The following FHL2 variants were observed in gnomAD, a reference collection of about 807,000 sequenced individuals.
FHL2 encodes the protein four and a half LIM domains 2.
Under a neutral mutation model 32.7 loss-of-function variants are expected in FHL2, and 20 were observed. The observed-to-expected ratio is 0.61, with a 90% CI of 0.43 to 0.89. FHL2 has a LOEUF of 0.89. Among genes scored for constraint, FHL2 ranks in the 40% least tolerant of loss-of-function variants. The pLI is 0.00. For synonymous variants in FHL2, 123 were observed against 128.1 expected, an observed-to-expected ratio of 0.96 and a Z score of 0.27; for missense variants, 311 against 358.6, an observed-to-expected ratio of 0.87 and a Z score of 1.07.
In FHL2 at chr2:105,398,981, G is replaced by A. The variant is rs767099949; in HGVS notation, c.-215C>T. Reference sequence around the variant, plus strand: ...TTGGAGGTACTCACGGCACCGCAGCGGGCCGGGGACTCCCGGACGGGGCTG... The same window carrying A: ...TTGGAGGTACTCACGGCACCGCAGCAGGCCGGGGACTCCCGGACGGGGCTG... On this transcript the variant is annotated 5_prime_UTR_variant, in exon 1 of 7. Transcript: ENST00000530340. 6 of 1,515,246 alleles carry A rather than the reference G, an allele frequency of 4.0e-6. No individual in the cohort carries two copies. Among genetic ancestry groups the A allele is most frequent in the Non-Finnish European group, 4.4e-6 (5 of 1,135,952 alleles). 93.9% of individuals were successfully genotyped at this position (1,515,246 alleles called of 1,614,324 possible).
intron 1 of FHL2, among the ~76,000 whole-genome samples, chr2:105,415,191 G>A (rs1683898382): frequency 6.6e-6 from 1 of 152,200 alleles, no homozygotes; most frequent in South Asian, 2.1e-4. Context: ...TAAATAGTGA[G>A]GCAAAATCTC....
chr2:105,367,714 G>A lies in FHL2; in HGVS notation c.357C>T (p.Gly119=). The stretch of plus-strand genomic sequence containing the variant: ...TGAAGCAGGTCTCATGCCAGCTGCT[G>A]CCCTTGTACTCCATCTTGCGGGTAC... The part of the protein sequence containing the change: ...MPGTRKMEYK[G]SSWHETCFIC... The change falls in exon 5 of 7, where the codon GGC becomes GGT. Residue 119 remains glycine (G), a synonymous_variant. Coordinates refer to ENST00000530340, the MANE Select transcript of FHL2 (RefSeq NM_001318895.3). The A allele has an allele frequency of 6.2e-7, 1 of 1,614,132 alleles. No homozygotes were observed.
At chr2:105,367,075 G>A (rs1439506126) in intron 5 of FHL2, among the ~76,000 whole-genome samples, 2 of 152,224 alleles carry the variant, frequency 1.3e-5, no homozygotes, top group Admixed American at 1.3e-4. Context: ...TGCCCGGCCA[G>A]AGTAGATACA....
chr2:105,398,715 C>T, intron 1 of FHL2, 127 bp downstream of exon 1: 1 of 729,528 alleles, frequency 1.4e-6, no homozygotes, highest in Non-Finnish European at 2.0e-6. Context: ...CCCCAACCCC[C>T]AGGGTTCGGC....
chr2:105,368,357 G>A (rs1410408040), intron 4 of FHL2, among the ~76,000 whole-genome samples: 1 of 151,890 alleles, frequency 6.6e-6, no homozygotes, highest in African/African-American at 2.4e-5. Flanking sequence ...TTCGAGACAG[G>A]GTCTCACTCT....
At chr2:105,384,356 C>T (rs1000138474) in intron 3 of FHL2, among the ~76,000 whole-genome samples, 19 of 152,100 alleles carry the variant, frequency 1.2e-4, no homozygotes, top group Non-Finnish European at 2.4e-4. Flanking sequence ...GTGGAAGGGA[C>T]GTGTCACGAA....
At chr2:105,424,889 G>A (rs967610348) in intron 1 of FHL2, among the ~76,000 whole-genome samples, 1 of 152,214 alleles carries the variant, frequency 6.6e-6, no homozygotes, top group African/African-American at 2.4e-5. Context: ...GGGCCTGGGA[G>A]AGGGATAGCA....
intron 1 of FHL2, among the ~76,000 whole-genome samples, chr2:105,428,145 G>A (rs2104678588): frequency 6.6e-6 from 1 of 152,306 alleles, no homozygotes; most frequent in Non-Finnish European, 1.5e-5. Flanking sequence ...GCTGAGGGTG[G>A]CCCCTAGTCT....
chr2:105,406,514 T>C (rs184249198), intron 1 of FHL2, among the ~76,000 whole-genome samples: 11 of 151,174 alleles, frequency 7.3e-5, no homozygotes, highest in Middle Eastern at 3.4e-3. Context: ...ATTTGGCACA[T>C]GGCTGTAATG....
upstream of FHL2, among the ~76,000 whole-genome samples, chr2:105,401,531 A>G (rs927312199): frequency 6.6e-6 from 1 of 152,184 alleles, no homozygotes; most frequent in Non-Finnish European, 1.5e-5. Context: ...ATTTCCCTTT[A>G]TAGGAAATTA....
At chr2:105,426,597 C>T (rs560484613) in intron 1 of FHL2, among the ~76,000 whole-genome samples, 1 of 152,204 alleles carries the variant, frequency 6.6e-6, no homozygotes, top group Admixed American at 6.5e-5. Flanking sequence ...CACTCCTGCA[C>T]CTACCTTCTG....
At chr2:105,394,431 G>T (rs913791484) in intron 2 of FHL2, among the ~76,000 whole-genome samples, 2 of 151,842 alleles carry the variant, frequency 1.3e-5, no homozygotes, top group South Asian at 2.1e-4. Context: ...ATATCAGTTG[G>T]ATATGGTGAT....
intron 1 of FHL2, among the ~76,000 whole-genome samples, chr2:105,397,470 G>T (rs1683218854): frequency 6.6e-6 from 1 of 152,076 alleles, no homozygotes; most frequent in Non-Finnish European, 1.5e-5. Context: ...GGCTGCACAG[G>T]TTGAGGGACC....
At chr2:105,413,771 C>T (rs753174743) in intron 1 of FHL2, among the ~76,000 whole-genome samples, 2 of 152,200 alleles carry the variant, frequency 1.3e-5, no homozygotes, top group African/African-American at 2.4e-5. Flanking sequence ...TGAGCCATCA[C>T]GCCCAACCCC....
chr2:105,427,625 G>A (rs1684305613), intron 1 of FHL2, among the ~76,000 whole-genome samples: 1 of 152,154 alleles, frequency 6.6e-6, no homozygotes, highest in African/African-American at 2.4e-5. Context: ...TACATCATTG[G>A]TCTGCCTCAA....
At chr2:105,427,877 C>G (rs1024646117) in intron 1 of FHL2, among the ~76,000 whole-genome samples, 3 of 152,214 alleles carry the variant, frequency 2.0e-5, no homozygotes, top group African/African-American at 4.8e-5. Context: ...TAAAAGTGCT[C>G]TCAAAAGTGC....
At chr2:105,387,367 G>A (rs929417717) in intron 2 of FHL2, among the ~76,000 whole-genome samples, 1 of 152,096 alleles carries the variant, frequency 6.6e-6, no homozygotes, top group Non-Finnish European at 1.5e-5. Flanking sequence ...ATGCAATGAG[G>A]GCACTAATAC....
intron 4 of FHL2, among the ~76,000 whole-genome samples, chr2:105,370,213 C>G (rs549238054): frequency 6.6e-6 from 1 of 151,728 alleles, no homozygotes; most frequent in Non-Finnish European, 1.5e-5. Context: ...TCTCTACCCC[C>G]CCAAAAAAAA....
chr2:105,379,180 G>C (rs1439563322), intron 3 of FHL2, among the ~76,000 whole-genome samples: 1 of 152,156 alleles, frequency 6.6e-6, no homozygotes, highest in East Asian at 1.9e-4. Flanking sequence ...AACCTCTCTT[G>C]CCAGATTTCT....
Sources: gnomAD v4.1 joint callset for allele counts (sites outside exome capture counted in the v4.1 genomes callset) on GRCh38, gnomAD v4.1.1 for gene constraint, MANE v1.5 for transcripts, NCBI Gene and HGNC (gene_info 2026-07-23, HGNC 2026-07-21) for gene names.